Variants in DSCAML1 observed in about 807,000 individuals in gnomAD.
DSCAML1 encodes the protein cell adhesion molecule DSCAML1.
In DSCAML1, 38 loss-of-function variants were observed where a neutral mutation model predicts 200.5. The ratio of observed to expected loss-of-function variants is 0.19; its 90% CI spans 0.15 to 0.25. The LOEUF is 0.25. Ranked by LOEUF, DSCAML1 falls within the 10% of genes least tolerant of loss-of-function variation. DSCAML1 has a pLI of 1.00. For missense variants in DSCAML1, 2,223 were observed against 2,858.8 expected, an observed-to-expected ratio of 0.78 and a Z score of 5.07; for synonymous variants, 1,215 against 1,165.0, an observed-to-expected ratio of 1.04 and a Z score of -0.87.
intron 3 of DSCAML1, among the ~76,000 whole-genome samples, chr11:117,581,451 C>T (rs969286560): frequency 1.3e-5 from 2 of 152,112 alleles, no homozygotes; most frequent in Non-Finnish European, 2.9e-5. Flanking sequence ...TCCCTGTTGT[C>T]GGCCCCTCTC....
intron 3 of DSCAML1, among the ~76,000 whole-genome samples, chr11:117,574,045 C>T (rs1235903902): frequency 1.3e-5 from 2 of 152,206 alleles, no homozygotes; most frequent in African/African-American, 4.8e-5. Context: ...GTGCTGGATC[C>T]CTCATTCTAG....
At chr11:117,719,392 C>T (rs1003759288) in intron 3 of DSCAML1, among the ~76,000 whole-genome samples, 16 of 152,142 alleles carry the variant, frequency 1.1e-4, no homozygotes, top group Non-Finnish European at 2.2e-4. Context: ...GGCAGTGAGC[C>T]GAGATTGCGC....
intron 3 of DSCAML1, among the ~76,000 whole-genome samples, chr11:117,717,597 C>T (rs981037162): frequency 6.6e-6 from 1 of 152,326 alleles, no homozygotes; most frequent in African/African-American, 2.4e-5. Flanking sequence ...GGTAAAGGCC[C>T]GTCCTGGGCA....
At chr11:117,521,044 C>T (rs1213645198) in intron 6 of DSCAML1, 86 bp downstream of exon 6, 39 of 1,543,650 alleles carry the variant, frequency 2.5e-5, no homozygotes, top group Non-Finnish European at 3.4e-5. Context: ...TTAATGCCTC[C>T]TGGCATTGCT....
Position 117,780,417 on chromosome 11 carries a change from GC to G in DSCAML1, c.364+75del. The G allele has an allele frequency of 7.7e-7, 1 of 1,292,356 alleles. No individual in the cohort carries two copies. Among genetic ancestry groups the G allele is most frequent in the Non-Finnish European group, 1.0e-6 (1 of 986,340 alleles). The allele number at this position is 1,292,356 out of a possible 1,614,324, so 80.1% of individuals were successfully genotyped here. ...TTCTTGAGTGAACGACTTCTTGCAA[GC>G]CCCTCCGAATATCCTCAGAATGACG... On this transcript the variant is annotated intron_variant, in intron 2 of 32. Transcript: ENST00000651296. This position sits in a 1 kb window ranked among gnomAD's most constrained non-coding sequence, Gnocchi z 4.8.
chr11:117,479,425 G>A (rs2048862469), intron 14 of DSCAML1, among the ~76,000 whole-genome samples: 1 of 152,218 alleles, frequency 6.6e-6, no homozygotes, highest in African/African-American at 2.4e-5. Flanking sequence ...AAGGTACGAA[G>A]GATCCAGAGT....
chr11:117,524,799 A>G lies in DSCAML1; in HGVS notation c.937+6T>C. 5 of 1,572,294 alleles carry G rather than the reference A, an allele frequency of 3.2e-6. No homozygotes were observed. The highest frequency in any genetic ancestry group is 3.5e-6 in the Non-Finnish European group (4 of 1,157,634). On this transcript the variant is annotated splice_donor_region_variant and intron_variant, in intron 5 of 32. Transcript: ENST00000651296. The stretch of plus-strand genomic sequence containing the variant: ...TGGGGCTGCAGAAGGGGCTTCCCCG[A>G]CTCACCAATGACCATGAGGATGCCT...
At chr11:117,461,711 A>G in intron 17 of DSCAML1, 115 bp from the exon 18 acceptor site, 3 of 963,724 alleles carry the variant, frequency 3.1e-6, no homozygotes, top group East Asian at 2.5e-5. Context: ...GTCCAGTTAG[A>G]CAAGTGGGGG....
At chr11:117,650,230 A>G (rs1018930751) in intron 3 of DSCAML1, among the ~76,000 whole-genome samples, 2 of 152,076 alleles carry the variant, frequency 1.3e-5, no homozygotes, top group African/African-American at 2.4e-5. Flanking sequence ...CACTCCCCAC[A>G]TGATTCTGAG....
At chr11:117,429,047 G>A (rs1038779104) in intron 32 of DSCAML1, among the ~76,000 whole-genome samples, 4 of 152,346 alleles carry the variant, frequency 2.6e-5, no homozygotes, top group South Asian at 4.1e-4. Flanking sequence ...AGCGAATGAG[G>A]TGAGGGAGGT....
intron 3 of DSCAML1, among the ~76,000 whole-genome samples, chr11:117,675,181 T>G (rs144250979): frequency 6.6e-6 from 1 of 152,350 alleles, no homozygotes; most frequent in African/African-American, 2.4e-5. Flanking sequence ...CACTGTGTGT[T>G]AGCGTTTATA....
intron 11 of DSCAML1, among the ~76,000 whole-genome samples, chr11:117,484,944 A>AGTGTGTGTGTGTGTGT (rs2049013076): frequency 2.3e-5 from 2 of 88,458 alleles, no homozygotes; most frequent in Non-Finnish European, 4.9e-5. Context: ...TGTGTGTGTA[A>AGTGTGTGTGTGTGTGT]GTGGGGCTGG....
intron 3 of DSCAML1, among the ~76,000 whole-genome samples, chr11:117,588,122 C>T (rs560369924): frequency 6.6e-6 from 1 of 152,334 alleles, no homozygotes; most frequent in African/African-American, 2.4e-5. Flanking sequence ...TTAGGTTCCA[C>T]TGTCACCCCG....
In DSCAML1 at chr11:117,437,567, G is replaced by T. The variant is rs3863312; in HGVS notation, c.4433-158C>A. On this transcript the variant is annotated intron_variant, in intron 25 of 32. Coordinates refer to ENST00000651296, the MANE Select transcript of DSCAML1 (RefSeq NM_020693.4). This position sits in a 1 kb window ranked among gnomAD's most constrained non-coding sequence, Gnocchi z 5.3. ...AGATGGGGTGGGGAAGCCCCAGGGCGCAGAGGAGGAAGAGGAGGGGAGGGA... is the reference window on the plus strand; with the variant it reads ...AGATGGGGTGGGGAAGCCCCAGGGCTCAGAGGAGGAAGAGGAGGGGAGGGA... Among the ~76,000 whole-genome samples the T allele has an allele frequency of 2.6e-5, 4 of 152,114 alleles. No individual in the cohort carries two copies. Among genetic ancestry groups the T allele is most frequent in the Admixed American group, 2.6e-4 (4 of 15,288 alleles).
At chr11:117,711,083 C>T (rs1372433537) in intron 3 of DSCAML1, among the ~76,000 whole-genome samples, 1 of 152,134 alleles carries the variant, frequency 6.6e-6, no homozygotes, top group Non-Finnish European at 1.5e-5. Flanking sequence ...AAAATAAAGC[C>T]TACTCCTGAA....
intron 3 of DSCAML1, among the ~76,000 whole-genome samples, chr11:117,607,270 T>C (rs1477637479): frequency 6.6e-6 from 1 of 152,140 alleles, no homozygotes; most frequent in Non-Finnish European, 1.5e-5. Flanking sequence ...TGGACATGCT[T>C]GACAGGAAGC....
Position 117,780,572 on chromosome 11 carries a change from A to G in DSCAML1, c.285T>C (p.Phe95=). 6.4e-7 allele frequency: 1 copy of G among 1,568,932 alleles called. No homozygotes were observed. Among genetic ancestry groups the G allele is most frequent in the South Asian group, 1.2e-5 (1 of 84,772 alleles). ...YPFSPSAFNS[F]IHDNDYFCTA... ...TGCAGAAGTAGTCATTGTCGTGGATAAAGCTATTGAAGGCGGAGGGGGAGA... is the reference window on the plus strand; with the variant it reads ...TGCAGAAGTAGTCATTGTCGTGGATGAAGCTATTGAAGGCGGAGGGGGAGA... Residue 95 remains phenylalanine, a synonymous_variant, in exon 2 of 33, where the codon TTT becomes TTC. Coordinates refer to ENST00000651296, the MANE Select transcript of DSCAML1 (RefSeq NM_020693.4). This position sits in a 1 kb window ranked among gnomAD's most constrained non-coding sequence, Gnocchi z 4.8.
intron 3 of DSCAML1, among the ~76,000 whole-genome samples, chr11:117,715,858 A>G (rs2137781354): frequency 6.6e-6 from 1 of 152,268 alleles, no homozygotes; most frequent in East Asian, 1.9e-4. Flanking sequence ...AACCATATAT[A>G]ACCCTCCTCT....
chr11:117,437,102 C>T lies in DSCAML1; in HGVS notation c.4720+20G>A. The T allele has an allele frequency of 6.2e-7, 1 of 1,605,562 alleles. No homozygotes were observed. The highest frequency in any genetic ancestry group is 8.5e-7 in the Non-Finnish European group (1 of 1,175,170). ...CCCTGCTCCAGCCTCTGTACCATCC[C>T]TTCCACCCTTGCGACTCACTGCCAT... is the stretch of plus-strand genomic sequence containing the variant. On this transcript the variant is annotated intron_variant, in intron 26 of 32. Transcript: ENST00000651296. The surrounding 1 kb of genome is among the most constrained non-coding windows in gnomAD (Gnocchi z 5.3).
Sources: gnomAD v4.1 joint callset for allele counts (sites outside exome capture counted in the v4.1 genomes callset) on GRCh38, gnomAD v4.1.1 for gene constraint, Gnocchi (gnomAD v3.1) non-coding constraint, MANE v1.5 for transcripts, NCBI Gene and HGNC (gene_info 2026-07-23, HGNC 2026-07-21) for gene names.